The following GLIS3 variants were observed in gnomAD, a reference collection of about 807,000 sequenced individuals.
GLIS3 encodes the protein GLIS family zinc finger 3, also known as zinc finger protein GLIS3.
Under a neutral mutation model 78.6 loss-of-function variants are expected in GLIS3, and 53 were observed. The ratio of observed to expected loss-of-function variants is 0.67; its 90% CI spans 0.54 to 0.85. The LOEUF (loss-of-function observed/expected upper bound fraction) is 0.85. GLIS3 is among the 40% of genes least tolerant of loss of function. The probability of loss-of-function intolerance (pLI) is 0.00; values close to 1 mark genes in which losing one functional copy is unlikely to be tolerated. For synonymous variants in GLIS3, 684 were observed against 509.9 expected, an observed-to-expected ratio of 1.34 and a Z score of -4.60; for missense variants, 1,703 against 1,231.1, an observed-to-expected ratio of 1.38 and a Z score of -5.74.
intron 9 of GLIS3, among the ~76,000 whole-genome samples, chr9:3,845,084 TG>T: frequency 6.6e-6 from 1 of 152,144 alleles, no homozygotes; most frequent in Non-Finnish European, 1.5e-5. Context: ...TGTGTGTGTG[TG>T]TACAGGAGTG....
rs546321703 is a variant in GLIS3, at chr9:4,060,023, C to T, written c.1710+57745G>A. Among the ~76,000 whole-genome samples the T allele has an allele frequency of 6.6e-5, 10 of 152,080 alleles. No individual in the cohort carries two copies. In the South Asian group the frequency reaches 1.9e-3, roughly 29 times the overall value. On this transcript the variant is annotated intron_variant, in intron 4 of 10. Coordinates refer to ENST00000381971, the MANE Select transcript of GLIS3 (RefSeq NM_001042413.2). ...CCTACTTTTAAGGCATGTTGAATTC[C>T]GAATGCATCCTTCCTCCTGGAACCC...
At chr9:4,419,982 G>A in the GLIS3 span, among the ~76,000 whole-genome samples, 2 of 152,104 alleles carry the variant, frequency 1.3e-5, no homozygotes, top group African/African-American at 4.8e-5. Context: ...TATTACCCAG[G>A]TTGAGCACCG....
the GLIS3 span, among the ~76,000 whole-genome samples, chr9:4,380,285 G>A: frequency 1.3e-5 from 2 of 152,084 alleles, no homozygotes; most frequent in South Asian, 4.1e-4. Flanking sequence ...GCTGTTATTT[G>A]AAATCTTCTA....
intron 8 of GLIS3, among the ~76,000 whole-genome samples, chr9:3,873,700 A>C (rs1466096904): frequency 6.6e-6 from 1 of 152,216 alleles, no homozygotes; most frequent in Non-Finnish European, 1.5e-5. Flanking sequence ...AGAAAAAGTC[A>C]AAGTTACTTA....
chr9:4,259,997 T>C (rs949438399), intron 2 of GLIS3, among the ~76,000 whole-genome samples: 3 of 152,288 alleles, frequency 2.0e-5, no homozygotes, highest in East Asian at 1.9e-4. Flanking sequence ...GTGGGGAAAT[T>C]TAAGCAAGGG....
intron 4 of GLIS3, among the ~76,000 whole-genome samples, chr9:4,114,003 A>G (rs1220294247): frequency 7.7e-6 from 1 of 130,088 alleles, no homozygotes; most frequent in Non-Finnish European, 1.6e-5. Context: ...AAAAATAAAC[A>G]AAATTTAAGC....
intron 9 of GLIS3, among the ~76,000 whole-genome samples, chr9:3,829,945 A>G (rs1262253876): frequency 6.6e-6 from 1 of 152,170 alleles, no homozygotes; most frequent in Non-Finnish European, 1.5e-5. Flanking sequence ...AAATGCATCC[A>G]TCTATCTGTC....
intron 2 of GLIS3, among the ~76,000 whole-genome samples, chr9:4,281,278 A>G: frequency 6.6e-6 from 1 of 152,196 alleles, no homozygotes; most frequent in Non-Finnish European, 1.5e-5. Flanking sequence ...TTGTGGTAAA[A>G]TATATACAGC....
At chr9:4,218,635 C>T (rs571861674) in intron 2 of GLIS3, among the ~76,000 whole-genome samples, 1 of 152,280 alleles carries the variant, frequency 6.6e-6, no homozygotes, top group Admixed American at 6.5e-5. Context: ...CTGGTAGATA[C>T]CACCCACATG....
chr9:4,362,695 G>A, the GLIS3 span, among the ~76,000 whole-genome samples: 4 of 152,120 alleles, frequency 2.6e-5, no homozygotes, highest in Non-Finnish European at 4.4e-5. Context: ...CTCAGGTAAC[G>A]CCCCATCAAA....
intron 2 of GLIS3, among the ~76,000 whole-genome samples, chr9:4,128,934 C>G (rs545404555): frequency 6.6e-6 from 1 of 152,340 alleles, no homozygotes; most frequent in African/African-American, 2.4e-5. Flanking sequence ...GATCACTGGT[C>G]AACTTTAACC....
At chr9:3,908,632 G>C (rs892881915) in intron 6 of GLIS3, among the ~76,000 whole-genome samples, 2 of 151,152 alleles carry the variant, frequency 1.3e-5, no homozygotes, top group African/African-American at 4.9e-5. Context: ...CGAAATTTGA[G>C]CTGCTTCCCT....
In GLIS3 at chr9:3,829,467, G is replaced by A; in HGVS notation, c.2499C>T (p.Phe833=). The A allele has an allele frequency of 6.2e-7, 1 of 1,614,124 alleles. No individual in the cohort carries two copies. The highest frequency in any genetic ancestry group is 8.5e-7 in the Non-Finnish European group (1 of 1,179,996). ...GGGAATCGGGGTAGTGTGGGGGACA[G>A]AACTTCTGCAGCTGCCCATAAAATC... The part of the protein sequence containing the change: ...VHGFYGQLQK[F]CPPHYPDSQR... Residue 833 remains phenylalanine, a synonymous_variant, in exon 10 of 11, where the codon TTC becomes TTT. Transcript: ENST00000381971.
At chr9:4,390,305 A>G in the GLIS3 span, among the ~76,000 whole-genome samples, 1 of 152,254 alleles carries the variant, frequency 6.6e-6, no homozygotes, top group Non-Finnish European at 1.5e-5. Context: ...AGGAAAGAGC[A>G]TAAGTAGACT....
intron 4 of GLIS3, among the ~76,000 whole-genome samples, chr9:4,079,420 C>A (rs558470048): frequency 2.0e-5 from 3 of 152,016 alleles, no homozygotes; most frequent in Non-Finnish European, 4.4e-5. Context: ...CAAGCCATAG[C>A]GAAGAAAGCA....
chr9:4,079,052 G>A (rs1242438681), intron 4 of GLIS3, among the ~76,000 whole-genome samples: 1 of 152,148 alleles, frequency 6.6e-6, no homozygotes, highest in Non-Finnish European at 1.5e-5. Flanking sequence ...ACAGCTTAAT[G>A]CAAACAAGAT....
intron 2 of GLIS3, among the ~76,000 whole-genome samples, chr9:4,139,310 G>A (rs915653169): frequency 2.0e-5 from 3 of 152,196 alleles, no homozygotes; most frequent in African/African-American, 7.2e-5. Flanking sequence ...GACAGCAAGT[G>A]CTCACCAAAT....
intron 8 of GLIS3, among the ~76,000 whole-genome samples, chr9:3,877,993 C>T (rs116526696): frequency 0.024 from 3,606 of 152,254 alleles, 168 homozygotes; most frequent in African/African-American, 0.083. Flanking sequence ...CATAAGCCAA[C>T]CTAATATTAT....
rs373468586 is a variant in GLIS3 at position 3,971,485 on chromosome 9, C to G, written c.1711-34296G>C. Reference sequence around the variant, plus strand: ...ATTCTAAATAAGCCATTGGGGGAAACTAATAACAGGTTTGTGAGAAGAAGA... The same window carrying G: ...ATTCTAAATAAGCCATTGGGGGAAAGTAATAACAGGTTTGTGAGAAGAAGA... On this transcript the variant is annotated intron_variant, in intron 4 of 10. Transcript: ENST00000381971. Among the ~76,000 whole-genome samples, 7 of 152,102 alleles carry G rather than the reference C, an allele frequency of 4.6e-5. No individual in the cohort carries two copies. The South Asian group carries it at 1.5e-3, about 32-fold the overall frequency.
Sources: gnomAD v4.1 joint callset for allele counts (sites outside exome capture counted in the v4.1 genomes callset) on GRCh38, gnomAD v4.1.1 for gene constraint, MANE v1.5 for transcripts, NCBI Gene and HGNC (gene_info 2026-07-23, HGNC 2026-07-21) for gene names.